The following ANGPT1 variants were observed in gnomAD, a reference collection of about 807,000 sequenced individuals.
ANGPT1 encodes angiopoietin 1.
A neutral mutation model predicts 62.2 loss-of-function variants in ANGPT1; 17 were observed. That is an observed-to-expected ratio of 0.27 (90% CI 0.19 to 0.41). The LOEUF (loss-of-function observed/expected upper bound fraction) is 0.41. ANGPT1 is among the 10% of genes least tolerant of loss of function. The pLI, the probability that ANGPT1 is intolerant of heterozygous loss-of-function variation, is 1.00. For missense variants in ANGPT1, 478 were observed against 594.9 expected (o/e 0.80, Z 2.04); for synonymous variants, 199 against 198.9 (o/e 1.00, Z 0.00).
intron 5 of ANGPT1, among the ~76,000 whole-genome samples, chr8:107,298,020 C>A (rs956915038): frequency 6.6e-6 from 1 of 151,850 alleles, no homozygotes; most frequent in Non-Finnish European, 1.5e-5. Flanking sequence ...GACCCTGCTA[C>A]ATTAACTATG....
chr8:107,295,887 T>C (rs1326548746), intron 5 of ANGPT1, among the ~76,000 whole-genome samples: 1 of 152,114 alleles, frequency 6.6e-6, no homozygotes, highest in Non-Finnish European at 1.5e-5. Context: ...CTTACATGCA[T>C]TTTCTAATTT....
rs1249706597 is a variant in ANGPT1 at position 107,480,059 on chromosome 8, A to G, written c.297+17203T>C. Among the ~76,000 whole-genome samples the G allele has an allele frequency of 4.6e-5, 7 of 152,256 alleles. No individual in the cohort carries two copies. In the South Asian group the frequency reaches 6.2e-4, roughly 14 times the overall value. The stretch of plus-strand genomic sequence containing the variant: ...ATGTCATAAGTCTTACTGGAATGCA[A>G]TCTTCTGGAAGGCAGACCTCAGGTC... On this transcript the variant is annotated intron_variant, in intron 1 of 8. Transcript: ENST00000517746.
chr8:107,312,335 T>C (rs1453871768), intron 4 of ANGPT1, among the ~76,000 whole-genome samples: 2 of 152,198 alleles, frequency 1.3e-5, no homozygotes, highest in East Asian at 3.9e-4. Flanking sequence ...ATATATTGGT[T>C]TTGTACAAAA....
intron 8 of ANGPT1, among the ~76,000 whole-genome samples, chr8:107,253,599 C>A (rs757031898): frequency 6.6e-6 from 1 of 152,186 alleles, no homozygotes; most frequent in Non-Finnish European, 1.5e-5. Flanking sequence ...AGCAAACACA[C>A]TTACTCTATT....
chr8:107,475,688 T>C (rs1354195977), intron 1 of ANGPT1, among the ~76,000 whole-genome samples: 1 of 152,208 alleles, frequency 6.6e-6, no homozygotes, highest in African/African-American at 2.4e-5. Flanking sequence ...TTTACTCATC[T>C]GACAAAGGGT....
In ANGPT1 at chr8:107,307,779, T is replaced by C. The variant is rs188349248; in HGVS notation, c.809-4412A>G. Among the ~76,000 whole-genome samples, 4 of 152,274 alleles carry C rather than the reference T, an allele frequency of 2.6e-5. No individual in the cohort carries two copies. In the East Asian group the frequency reaches 7.7e-4, roughly 29 times the overall value. The stretch of plus-strand genomic sequence containing the variant: ...TTCCAACTGCGGCACAAAAGATTTC[T>C]AATATACACAGGCACTTTTTAACAC... On this transcript the variant is annotated intron_variant, in intron 4 of 8. Coordinates refer to ENST00000517746, the MANE Select transcript of ANGPT1 (RefSeq NM_001146.5).
intron 1 of ANGPT1, among the ~76,000 whole-genome samples, chr8:107,366,890 G>A (rs898210416): frequency 3.3e-5 from 5 of 151,906 alleles, no homozygotes; most frequent in Admixed American, 1.3e-4. Flanking sequence ...TCTGTCTCTC[G>A]GGCTCTGTCT....
intron 1 of ANGPT1, among the ~76,000 whole-genome samples, chr8:107,380,067 C>T (rs1390137867): frequency 2.0e-5 from 3 of 152,028 alleles, no homozygotes; most frequent in Admixed American, 2.0e-4. Context: ...GCTTCATCAT[C>T]AGATACTACA....
chr8:107,264,660 C>T (rs1385033918), intron 7 of ANGPT1, among the ~76,000 whole-genome samples: 3 of 152,126 alleles, frequency 2.0e-5, no homozygotes, highest in Non-Finnish European at 4.4e-5. Context: ...TTTACAATGT[C>T]AATTCAGCAT....
At chr8:107,497,204 C>T (rs1813126193) in intron 1 of ANGPT1, 58 bp downstream of exon 1, 1 of 1,553,544 alleles carries the variant, frequency 6.4e-7, no homozygotes, top group Non-Finnish European at 8.8e-7. Flanking sequence ...TTTAAGTTAG[C>T]TGCAGTGCAA....
chr8:107,466,092 A>G (rs1417584565), intron 1 of ANGPT1, among the ~76,000 whole-genome samples: 1 of 152,188 alleles, frequency 6.6e-6, no homozygotes, highest in Admixed American at 6.6e-5. Flanking sequence ...AGGTTGGACT[A>G]AGAGGTTTTT....
intron 2 of ANGPT1, among the ~76,000 whole-genome samples, chr8:107,339,153 G>T (rs1001451454): frequency 3.3e-5 from 5 of 152,156 alleles, no homozygotes; most frequent in African/African-American, 1.2e-4. Flanking sequence ...GACCACTACA[G>T]TTCCCAGTTT....
chr8:107,390,994 A>C (rs1816823867), intron 1 of ANGPT1, among the ~76,000 whole-genome samples: 3 of 152,224 alleles, frequency 2.0e-5, no homozygotes, highest in Admixed American at 2.0e-4. Context: ...TGTGACTCAG[A>C]GTCCCAATGT....
Position 107,284,713 on chromosome 8 carries a change from A to G in ANGPT1, c.1174T>C (p.Phe392Leu). 2 of 1,578,864 alleles carry G rather than the reference A, an allele frequency of 1.3e-6. No individual in the cohort carries two copies. The highest frequency in any genetic ancestry group is 1.7e-6 in the Non-Finnish European group (2 of 1,158,880). The change falls in exon 7 of 9, where the codon TTC becomes CTC. Residue 392 changes from phenylalanine to leucine, a missense_variant. Phe to Leu is a conservative substitution (Grantham distance 22). Coordinates refer to ENST00000517746, the MANE Select transcript of ANGPT1 (RefSeq NM_001146.5). Reference sequence around the variant, plus strand: ...TTTTGCTTTTCATTTCCTATGTGGAATCTGTCATACTGTGAATAGGCTCGG... The same window carrying G: ...TTTTGCTTTTCATTTCCTATGTGGAGTCTGTCATACTGTGAATAGGCTCGG... ...GNRAYSQYDR[F>L]HIGNEKQNYR...
At chr8:107,494,641 A>G (rs1813046121) in intron 1 of ANGPT1, 1 of 152,166 alleles carries the variant, frequency 6.6e-6, no homozygotes, top group Non-Finnish European at 1.5e-5. Context: ...CAGTGCCATA[A>G]CAGTTCCAGT....
At chr8:107,441,991 G>A (rs904188335) in intron 1 of ANGPT1, among the ~76,000 whole-genome samples, 2 of 152,084 alleles carry the variant, frequency 1.3e-5, no homozygotes, top group African/African-American at 4.8e-5. Context: ...GGTTGATGCA[G>A]GAGAATCGGT....
intron 1 of ANGPT1, among the ~76,000 whole-genome samples, chr8:107,414,813 C>G (rs1010248843): frequency 6.6e-6 from 1 of 152,030 alleles, no homozygotes; most frequent in African/African-American, 2.4e-5. Flanking sequence ...CATTTGTCTG[C>G]TAAAGGGAGA....
At chr8:107,454,673 TA>T (rs1357448639) in intron 1 of ANGPT1, among the ~76,000 whole-genome samples, 15 of 152,076 alleles carry the variant, frequency 9.9e-5, no homozygotes, top group South Asian at 2.1e-4. Flanking sequence ...TAAGTATTCA[TA>T]AATGCCGACT....
At chr8:107,486,268 G>T (rs1265082671) in intron 1 of ANGPT1, among the ~76,000 whole-genome samples, 1 of 152,148 alleles carries the variant, frequency 6.6e-6, no homozygotes, top group African/African-American at 2.4e-5. Context: ...CTCATATTTG[G>T]TTAAGAGCAT....
Sources: allele counts gnomAD v4.1 joint callset (sites outside exome capture counted in the v4.1 genomes callset), GRCh38; gene constraint gnomAD v4.1.1; transcripts MANE v1.5; gene names NCBI Gene and HGNC (gene_info 2026-07-23, HGNC 2026-07-21).